BCL7A: variants seen among roughly 807,000 people sequenced by gnomAD.
BCL7A encodes B-cell CLL/lymphoma 7 protein family member A.
In BCL7A, 11 loss-of-function variants were observed where a neutral mutation model predicts 28.4. That is an observed-to-expected ratio of 0.39 (90% CI 0.24 to 0.64). The LOEUF (loss-of-function observed/expected upper bound fraction) is 0.64, where lower values mean the gene tolerates loss of function less well. Among genes scored for constraint, BCL7A ranks in the 30% least tolerant of loss-of-function variants. The pLI is 0.50. For missense variants in BCL7A, 222 were observed against 274.8 expected (o/e 0.81, Z 1.36); for synonymous variants, 123 against 103.3 (o/e 1.19, Z -1.15).
At chr12:122,032,944 G>A (rs1415470382) in intron 2 of BCL7A, among the ~76,000 whole-genome samples, 1 of 152,160 alleles carries the variant, frequency 6.6e-6, no homozygotes, top group East Asian at 1.9e-4. Context: ...CTGAGTCTCT[G>A]CAGGTTGAGG....
chr12:122,051,783 C>A (rs1005532577), intron 4 of BCL7A, among the ~76,000 whole-genome samples: 16 of 150,424 alleles, frequency 1.1e-4, no homozygotes, highest in African/African-American at 3.9e-4. Context: ...GGCAACTTTT[C>A]TAGTAAAAAC....
chr12:122,047,726 A>G (rs1187300410), intron 4 of BCL7A, among the ~76,000 whole-genome samples: 1 of 151,454 alleles, frequency 6.6e-6, no homozygotes, highest in Non-Finnish European at 1.5e-5. Flanking sequence ...GGGTGTTGCT[A>G]TGTTGCCCAG....
chr12:122,057,261 C>T (rs939199154), intron 5 of BCL7A, among the ~76,000 whole-genome samples: 2 of 152,154 alleles, frequency 1.3e-5, no homozygotes, highest in East Asian at 3.9e-4. Flanking sequence ...CAGGAGCCAG[C>T]TTGAAGAACG....
In BCL7A at chr12:122,039,840, A is replaced by C. The variant is rs543405143; in HGVS notation, c.272-4046A>C. Among the ~76,000 whole-genome samples, 29 of 151,980 alleles carry C rather than the reference A, an allele frequency of 1.9e-4. 1 individual carries two copies. Among genetic ancestry groups the C allele is most frequent in the Middle Eastern group, 3.4e-3 (1 of 294 alleles). The stretch of plus-strand genomic sequence containing the variant: ...GCATTCCAGCCTGGGCGACAGAGCA[A>C]GACTCCATAAAAAAAAAAAATTATT... On this transcript the variant is annotated intron_variant, in intron 3 of 5. Coordinates refer to ENST00000261822, the MANE Select transcript of BCL7A (RefSeq NM_001024808.3).
chr12:122,038,558 T>G (rs996564099), intron 3 of BCL7A, among the ~76,000 whole-genome samples: 1 of 151,700 alleles, frequency 6.6e-6, no homozygotes, highest in South Asian at 2.1e-4. Flanking sequence ...GAAATAGATA[T>G]GTGAGCTGGG....
At chr12:122,040,394 A>C (rs1447172629) in intron 3 of BCL7A, among the ~76,000 whole-genome samples, 1 of 151,766 alleles carries the variant, frequency 6.6e-6, no homozygotes, top group African/African-American at 2.4e-5. Context: ...TTAGCCGGGC[A>C]TGGTGGTGGG....
intron 3 of BCL7A, among the ~76,000 whole-genome samples, chr12:122,040,675 C>T (rs1386957674): frequency 6.6e-6 from 1 of 151,734 alleles, no homozygotes; most frequent in Non-Finnish European, 1.5e-5. Flanking sequence ...CACGTGCAGC[C>T]GAAAGCCAGT....
At chr12:122,035,573 AAGG>A (rs1883834267) in intron 3 of BCL7A, 146 bp downstream of exon 3, 1 of 669,378 alleles carries the variant, frequency 1.5e-6, no homozygotes, top group Non-Finnish European at 2.6e-6. Flanking sequence ...CCTCTGTGCC[AAGG>A]AGAAGAGTCA....
In BCL7A at chr12:122,060,506, C is replaced by T. The variant is rs1176313943; in HGVS notation, c.*1343C>T. ...CACTGAACGGAGACGCCCCCTTGGA[C>T]GAACTGCCTAATCGTTTGGTTCTGA... On this transcript the variant is annotated 3_prime_UTR_variant, in exon 6 of 6. Coordinates refer to ENST00000261822, the MANE Select transcript of BCL7A (RefSeq NM_001024808.3). 1.7e-5 allele frequency: 4 copies of T among 232,540 alleles called. No homozygotes were observed. The highest frequency in any genetic ancestry group is 2.6e-5 in the Non-Finnish European group (3 of 117,380). The allele number at this position is 232,540 out of a possible 1,614,324, so 14.4% of individuals were successfully genotyped here. A position where few individuals can be genotyped will look rare whatever the true frequency, so the allele number is the denominator to read the frequency against.
intron 4 of BCL7A, among the ~76,000 whole-genome samples, chr12:122,045,969 G>A (rs964154241): frequency 1.4e-5 from 2 of 142,820 alleles, no homozygotes; most frequent in Non-Finnish European, 3.0e-5. Context: ...TGCGCCTGTA[G>A]TCCCAGGAGG....
chr12:122,035,560 CGG>C, intron 3 of BCL7A, 133 bp downstream of exon 3: 1 of 740,528 alleles, frequency 1.4e-6, no homozygotes, highest in Non-Finnish European at 2.2e-6. Context: ...CAGGGCCCGG[CGG>C]CCTCTGTGCC....
intron 1 of BCL7A, among the ~76,000 whole-genome samples, chr12:122,027,570 G>A (rs1883655180): frequency 6.6e-6 from 1 of 151,698 alleles, no homozygotes; most frequent in Non-Finnish European, 1.5e-5. Flanking sequence ...GGGCACAGTG[G>A]CTTATACCTG....
At chr12:122,025,514 C>G (rs1160114597) in intron 1 of BCL7A, among the ~76,000 whole-genome samples, 3 of 151,588 alleles carry the variant, frequency 2.0e-5, no homozygotes, top group African/African-American at 4.8e-5. Context: ...GTAGTCCCAG[C>G]TACTTGGGAG....
rs57519437 is a variant in BCL7A, at chr12:122,052,872, G to A, written c.440-1933G>A. 5.7e-3 allele frequency among the ~76,000 whole-genome samples: 596 copies of A among 104,082 alleles called. 12 individuals are homozygous for A. Among genetic ancestry groups the A allele is most frequent in the African/African-American group, 0.03 (554 of 18,294 alleles). The allele number at this position is 104,082 out of a possible 152,430, so 68.3% of individuals were successfully genotyped here. A position where few individuals can be genotyped will look rare whatever the true frequency, so the allele number is the denominator to read the frequency against. ...TTACTTTTGTATTTTTTTAGTCGGGGGGGGGGGGGGGTTTGCCATGTTGGC... is the reference window on the plus strand; with the variant it reads ...TTACTTTTGTATTTTTTTAGTCGGGAGGGGGGGGGGGTTTGCCATGTTGGC... On this transcript the variant is annotated intron_variant, in intron 4 of 5. Coordinates refer to ENST00000261822, the MANE Select transcript of BCL7A (RefSeq NM_001024808.3).
chr12:122,040,965 G>A (rs1452678417), intron 3 of BCL7A, among the ~76,000 whole-genome samples: 2 of 152,098 alleles, frequency 1.3e-5, no homozygotes, highest in South Asian at 2.1e-4. Context: ...GCGTGTGCTT[G>A]CCATAGGAAG....
At position 122,029,406 on chromosome 12, in the gene BCL7A, T is replaced by C. The variant is rs1883695397; in HGVS notation, c.93-1294T>C. Among the ~76,000 whole-genome samples, 1 of 152,070 alleles carries C rather than the reference T, an allele frequency of 6.6e-6. No homozygotes were observed. The highest frequency in any genetic ancestry group is 6.5e-5 in the Admixed American group (1 of 15,274). On this transcript the variant is annotated intron_variant, in intron 1 of 5. Coordinates refer to ENST00000261822, the MANE Select transcript of BCL7A (RefSeq NM_001024808.3). The surrounding 1 kb of genome is among the most constrained non-coding windows in gnomAD (Gnocchi z 4.3). ...AGTCCTGTAACCTGTCACACCAGCATGTGAGGGCCACATGCCCCACGAGGG... is the reference window on the plus strand; with the variant it reads ...AGTCCTGTAACCTGTCACACCAGCACGTGAGGGCCACATGCCCCACGAGGG...
At chr12:122,031,658 C>T (rs761978184) in intron 2 of BCL7A, among the ~76,000 whole-genome samples, 43 of 152,322 alleles carry the variant, frequency 2.8e-4, no homozygotes, top group Non-Finnish European at 5.7e-4. Flanking sequence ...GTTCTCTCTG[C>T]GCTTGGAGAG....
rs56376395 is a variant in BCL7A, at chr12:122,038,431, CAAAAAAAAAAAAAAA to C, written c.271+3018_271+3032del. Among the ~76,000 whole-genome samples the C allele has an allele frequency of 1.5e-4, 5 of 33,554 alleles. No homozygotes were observed. The South Asian group carries it at 3.3e-3, about 22-fold the overall frequency. The allele number at this position is 33,554 out of a possible 152,430, so 22.0% of individuals were successfully genotyped here. ...TGGGCAAAGGAGCGAGACTCTGCCT[CAAAAAAAAAAAAAAA>C]AAAAAAAAAAAAAGAGCAGTGGGGC... On this transcript the variant is annotated intron_variant, in intron 3 of 5. Coordinates refer to ENST00000261822, the MANE Select transcript of BCL7A (RefSeq NM_001024808.3).
rs1214718030 is a variant in BCL7A at position 122,025,709 on chromosome 12, G to GC, written c.92+3528dup. Among the ~76,000 whole-genome samples the GC allele has an allele frequency of 2.0e-5, 3 of 151,924 alleles. No individual in the cohort carries two copies. In the East Asian group the frequency reaches 5.8e-4, roughly 29 times the overall value. On this transcript the variant is annotated intron_variant, in intron 1 of 5. Coordinates refer to ENST00000261822, the MANE Select transcript of BCL7A (RefSeq NM_001024808.3). The stretch of plus-strand genomic sequence containing the variant: ...GCCTGTAATCCCAGCACTTTGGGAG[G>GC]CCGAGGCAGGCAGGTCACCTGAAGT...
Sources: allele counts gnomAD v4.1 joint callset (sites outside exome capture counted in the v4.1 genomes callset), GRCh38; gene constraint gnomAD v4.1.1; non-coding constraint Gnocchi (gnomAD v3.1); transcripts MANE v1.5; gene names NCBI Gene and HGNC (gene_info 2026-07-23, HGNC 2026-07-21).